Variants in ITPRID1 observed in about 807,000 individuals in gnomAD.
ITPRID1 encodes protein ITPRID1.
ITPRID1 carries 96 observed loss-of-function variants against 95.4 expected under a neutral mutation model. The ratio of observed to expected loss-of-function variants is 1.01; its 90% CI spans 0.85 to 1.19. ITPRID1 has a LOEUF of 1.19. Ranked by LOEUF, ITPRID1 falls within the 50% of genes most tolerant of loss-of-function variation. The pLI is 0.00. For synonymous variants in ITPRID1, 510 were observed against 453.6 expected (o/e 1.12, Z -1.58); for missense variants, 1,339 against 1,252.9 (o/e 1.07, Z -1.04).
At chr7:31,641,759 C>T (rs1790037493) in intron 10 of ITPRID1, among the ~76,000 whole-genome samples, 3 of 152,088 alleles carry the variant, frequency 2.0e-5, no homozygotes, top group African/African-American at 7.2e-5. Flanking sequence ...CTTATCCAAA[C>T]TTTAGTAAAA....
At chr7:31,636,424 T>C (rs1296654827) in intron 10 of ITPRID1, among the ~76,000 whole-genome samples, 1 of 152,206 alleles carries the variant, frequency 6.6e-6, no homozygotes, top group Non-Finnish European at 1.5e-5. Context: ...TTCGAGATTG[T>C]TTGAAAAGTT....
At chr7:31,645,925 G>A (rs27325) in intron 12 of ITPRID1, among the ~76,000 whole-genome samples, 148,953 of 152,158 alleles carry the variant, frequency 0.98, 72,914 homozygotes, top group East Asian at 1. Context: ...ACCCGATCAC[G>A]TAGTTTGTAA....
At chr7:31,593,727 A>G (rs956611742) in intron 10 of ITPRID1, among the ~76,000 whole-genome samples, 16 of 152,212 alleles carry the variant, frequency 1.1e-4, no homozygotes, top group East Asian at 1.9e-4. Flanking sequence ...TGACCTGCCA[A>G]TAGATTCAAA....
rs1303296079 is a variant in ITPRID1 at position 31,590,235 on chromosome 7, C to T, written c.1228+7044C>T. On this transcript the variant is annotated intron_variant, in intron 10 of 14. Coordinates refer to ENST00000615280, the MANE Select transcript of ITPRID1 (RefSeq NM_001257967.3). ...AGGCACATGCCACCATGCCCAGCTA[C>T]ATTTTTAAAATTAAAATATAATTCT... is the stretch of plus-strand genomic sequence containing the variant. Among the ~76,000 whole-genome samples the T allele has an allele frequency of 2.0e-5, 3 of 152,086 alleles. No homozygotes were observed. In the East Asian group the frequency reaches 5.8e-4, roughly 29 times the overall value.
In ITPRID1 at chr7:31,654,983, G is replaced by T. The variant is rs116449452; in HGVS notation, c.*2154G>T. Among the ~76,000 whole-genome samples the T allele has an allele frequency of 2.6e-5, 4 of 152,060 alleles. No homozygotes were observed. Among genetic ancestry groups the T allele is most frequent in the East Asian group, 1.9e-4 (1 of 5,188 alleles). ...CCCATGGACTTAACATTCTCAGAGC[G>T]TGGACATCCCCATTCTGTCCTGAAT... On this transcript the variant is annotated 3_prime_UTR_variant, in exon 15 of 15. Transcript: ENST00000615280.
intron 10 of ITPRID1, among the ~76,000 whole-genome samples, chr7:31,628,518 C>T (rs1788690998): frequency 1.3e-5 from 2 of 149,942 alleles, no homozygotes; most frequent in South Asian, 2.1e-4. Context: ...AGTACAGTGG[C>T]GCGACCTCAG....
At chr7:31,620,018 C>A (rs1787675087) in intron 10 of ITPRID1, among the ~76,000 whole-genome samples, 1 of 152,194 alleles carries the variant, frequency 6.6e-6, no homozygotes, top group Admixed American at 6.5e-5. Flanking sequence ...GCACAGCAGT[C>A]TGAGATCAAA....
At chr7:31,603,801 C>G (rs953171672) in intron 10 of ITPRID1, among the ~76,000 whole-genome samples, 33 of 152,152 alleles carry the variant, frequency 2.2e-4, no homozygotes, top group African/African-American at 7.7e-4. Flanking sequence ...AATTTTGCAT[C>G]TCTGTAGCTA....
At chr7:31,518,667 G>A (rs149131024) in intron 1 of ITPRID1, among the ~76,000 whole-genome samples, 8 of 152,258 alleles carry the variant, frequency 5.3e-5, no homozygotes, top group African/African-American at 1.7e-4. Flanking sequence ...TTTATCGCAC[G>A]GGTATTTTCT....
At chr7:31,572,315 A>G (rs1583514311) in intron 7 of ITPRID1, 127 bp downstream of exon 7, 9 of 614,726 alleles carry the variant, frequency 1.5e-5, no homozygotes, top group Non-Finnish European at 2.3e-5. Context: ...TTCAAACCCC[A>G]TCTTGCAATA....
At chr7:31,533,126 C>A (rs1783653095) in intron 1 of ITPRID1, among the ~76,000 whole-genome samples, 1 of 152,020 alleles carries the variant, frequency 6.6e-6, no homozygotes, top group Admixed American at 6.6e-5. Flanking sequence ...TCAGTAAAGA[C>A]ATCTGTACCC....
intron 10 of ITPRID1, among the ~76,000 whole-genome samples, chr7:31,587,468 C>T (rs62447350): frequency 0.97 from 140,418 of 144,166 alleles, 68,400 homozygotes; most frequent in East Asian, 0.99. Context: ...AACTACAAAC[C>T]ACTGCTCAAG....
rs1463294516 is a variant in ITPRID1, at chr7:31,652,677, T to C, written c.2983T>C (p.Cys995Arg). Residue 995 changes from cysteine (C) to arginine (R), a missense_variant, in exon 15 of 15, where the codon TGT becomes CGT. Cys to Arg is a radical substitution (Grantham distance 180). Coordinates refer to ENST00000615280, the MANE Select transcript of ITPRID1 (RefSeq NM_001257967.3). ...TCCCGATGATGGCCAGGAGGCTCCC[T>C]GTTCAGGTGGGACCCAGTTGGCTGC... ...FPPDDGQEAP[C>R]SGGTQLAAFT... is the part of the protein sequence containing the mutation. 2 of 1,613,924 alleles carry C rather than the reference T, an allele frequency of 1.2e-6. No homozygotes were observed. Among genetic ancestry groups the C allele is most frequent in the Non-Finnish European group, 1.7e-6 (2 of 1,179,870 alleles).
chr7:31,543,628 G>C (rs190383328), intron 1 of ITPRID1, among the ~76,000 whole-genome samples: 2 of 152,076 alleles, frequency 1.3e-5, no homozygotes, highest in African/African-American at 4.8e-5. Context: ...TTACTGTTGA[G>C]TTTTAAGAGT....
chr7:31,631,792 TAG>T (rs1287133797), intron 10 of ITPRID1, among the ~76,000 whole-genome samples: 1 of 152,228 alleles, frequency 6.6e-6, no homozygotes, highest in African/African-American at 2.4e-5. Context: ...CTTCATAGGA[TAG>T]AGACTCTTCT....
At position 31,551,827 on chromosome 7, in the gene ITPRID1, A is replaced by G. The variant is rs1211541109; in HGVS notation, c.-23-1175A>G. On this transcript the variant is annotated intron_variant, in intron 2 of 14. Transcript: ENST00000615280. ...ATTATGCATTAAGTTTAGGGATCCT[A>G]GAAATGCTACTGAAGTAAGTGTTTG... 1.1e-5 allele frequency: 4 copies of G among 372,684 alleles called. 1 individual carries two copies. Among genetic ancestry groups the G allele is most frequent in the Non-Finnish European group, 2.2e-5 (4 of 183,730 alleles). 23.1% of individuals were successfully genotyped at this position (372,684 alleles called of 1,614,324 possible).
chr7:31,577,476 G>A (rs1268363323), intron 8 of ITPRID1, among the ~76,000 whole-genome samples: 3 of 152,190 alleles, frequency 2.0e-5, no homozygotes, highest in African/African-American at 7.2e-5. Context: ...ATCACATAGA[G>A]TTATGGAGGA....
chr7:31,643,773 A>G lies in ITPRID1; in HGVS notation c.2403A>G (p.Ile801Met). Residue 801 changes from isoleucine to methionine, a missense_variant, in exon 12 of 15, where the codon ATA (isoleucine) becomes ATG (methionine). Ile to Met is a conservative substitution (Grantham distance 10, BLOSUM62 1). Transcript: ENST00000615280. ...GCCCAATGGGCACCTGCCATGCTAT[A>G]CCTGCCCACTGCTGCATCTGCTGTC... Reference protein sequence around the residue: ...SICPMGTCHAIPAHCCICCHH... With the variant: ...SICPMGTCHAMPAHCCICCHH... 6.2e-7 allele frequency: 1 copy of G among 1,613,944 alleles called. No homozygotes were observed. Among genetic ancestry groups the G allele is most frequent in the Non-Finnish European group, 8.5e-7 (1 of 1,179,874 alleles).
intron 1 of ITPRID1, among the ~76,000 whole-genome samples, chr7:31,547,252 A>G (rs1387015268): frequency 6.6e-6 from 1 of 152,210 alleles, no homozygotes; most frequent in Non-Finnish European, 1.5e-5. Context: ...GGTCTGAGAT[A>G]TATTTTAATG....
Sources: allele counts gnomAD v4.1 joint callset (sites outside exome capture counted in the v4.1 genomes callset), GRCh38; gene constraint gnomAD v4.1.1; transcripts MANE v1.5; gene names NCBI Gene and HGNC (gene_info 2026-07-23, HGNC 2026-07-21).